Variants in RNF17 observed in about 807,000 individuals in gnomAD.
The protein encoded by RNF17 is spermatogenesis associated 23.
In RNF17, 31 loss-of-function variants were observed where a neutral mutation model predicts 200.5. The observed-to-expected ratio is 0.15, with a 90% CI of 0.12 to 0.21. RNF17 has a LOEUF of 0.21. Among genes scored for constraint, RNF17 ranks in the 10% least tolerant of loss-of-function variants. The pLI, the probability that RNF17 is intolerant of heterozygous loss-of-function variation, is 1.00. For synonymous variants in RNF17, 606 were observed against 637.8 expected, an observed-to-expected ratio of 0.95 and a Z score of 0.75; for missense variants, 1,628 against 1,905.1, an observed-to-expected ratio of 0.85 and a Z score of 2.71.
At chr13:24,781,224 A>C (rs1435680593) in intron 5 of RNF17, among the ~76,000 whole-genome samples, 1 of 152,082 alleles carries the variant, frequency 6.6e-6, no homozygotes, top group African/African-American at 2.4e-5. Flanking sequence ...GGGTCCTATC[A>C]AAGAGAAATT....
At chr13:24,814,732 C>A (rs375469245) in intron 15 of RNF17, among the ~76,000 whole-genome samples, 1 of 152,206 alleles carries the variant, frequency 6.6e-6, no homozygotes, top group African/African-American at 2.4e-5. Flanking sequence ...TATGTCAGTA[C>A]CACACTGTTT....
At chr13:24,866,069 G>A (rs550257101) in intron 29 of RNF17, 75 bp from the exon 30 acceptor site, 2 of 792,126 alleles carry the variant, frequency 2.5e-6, no homozygotes, top group Non-Finnish European at 2.1e-6. Flanking sequence ...CCCAGTTTTT[G>A]TGGGGATGAA....
intron 2 of RNF17, among the ~76,000 whole-genome samples, chr13:24,769,891 T>C (rs528044703): frequency 1.3e-5 from 2 of 152,302 alleles, no homozygotes; most frequent in African/African-American, 4.8e-5. Context: ...AGTTGAATGG[T>C]TTTTGATAAC....
Position 24,789,692 on chromosome 13 carries a change from TTA to T in RNF17, c.861-3_861-2del. Reference sequence around the variant, plus strand: ...CATTTATGTATATGTTAATGTTTTATTATAGGTTGAGTGTGAATTGCAGTGAG... The same window carrying T: ...CATTTATGTATATGTTAATGTTTTATTAGGTTGAGTGTGAATTGCAGTGAG... On this transcript the variant is annotated splice_polypyrimidine_tract_variant and splice_region_variant and intron_variant, in intron 8 of 35. Transcript: ENST00000255324. 2 of 1,562,068 alleles carry T rather than the reference TTA, an allele frequency of 1.3e-6. No individual in the cohort carries two copies. Among genetic ancestry groups the T allele is most frequent in the Middle Eastern group, 3.4e-4 (2 of 5,908 alleles).
chr13:24,855,276 G>C (rs991886407), intron 25 of RNF17, among the ~76,000 whole-genome samples: 1 of 151,802 alleles, frequency 6.6e-6, no homozygotes, highest in South Asian at 2.1e-4. Context: ...GAACATTCTT[G>C]TACCTGTCTC....
chr13:24,826,694 T>C (rs781160035), intron 16 of RNF17, among the ~76,000 whole-genome samples: 20 of 149,446 alleles, frequency 1.3e-4, no homozygotes, highest in Non-Finnish European at 2.7e-4. Context: ...AATCACTTGG[T>C]CCTGGGAGGT....
chr13:24,778,370 AGAC>A lies in RNF17; in HGVS notation c.394_396del (p.Asp132del). ...CTGGTTTAGAACGTTCAGCCTCCAC[AGAC>A]AAGACTCTTTTGAACTCATCAGCTG... On this transcript the variant is annotated inframe_deletion, in exon 4 of 36. Transcript: ENST00000255324. 1 of 1,613,784 alleles carries A rather than the reference AGAC, an allele frequency of 6.2e-7. No individual in the cohort carries two copies. Among genetic ancestry groups the A allele is most frequent in the Non-Finnish European group, 8.5e-7 (1 of 1,179,664 alleles).
the RNF17 span, chr13:24,885,205 C>A: frequency 1.3e-3 from 1,305 of 1,033,564 alleles, 14 homozygotes; most frequent in Non-Finnish European, 1.2e-4. Flanking sequence ...ATTTTAGATT[C>A]TATGTGTTTC....
intron 15 of RNF17, among the ~76,000 whole-genome samples, chr13:24,817,878 A>G (rs1204918303): frequency 2.0e-5 from 3 of 151,720 alleles, no homozygotes; most frequent in Admixed American, 6.6e-5. Flanking sequence ...GGCTTTATTG[A>G]TGTTCTGTTT....
At chr13:24,801,554 C>T (rs935129604) in intron 13 of RNF17, among the ~76,000 whole-genome samples, 6 of 151,962 alleles carry the variant, frequency 3.9e-5, no homozygotes, top group African/African-American at 4.8e-5. Context: ...GCTTGGGAGG[C>T]GGAGATTGCA....
intron 15 of RNF17, among the ~76,000 whole-genome samples, chr13:24,820,596 C>A (rs1384830952): frequency 6.6e-6 from 1 of 150,986 alleles, no homozygotes; most frequent in Non-Finnish European, 1.5e-5. Flanking sequence ...CCACCACGCC[C>A]GGCTAATTTT....
intron 15 of RNF17, among the ~76,000 whole-genome samples, chr13:24,819,822 T>G (rs933986322): frequency 1.3e-5 from 2 of 152,196 alleles, no homozygotes; most frequent in African/African-American, 4.8e-5. Flanking sequence ...TGTATTTACC[T>G]TCACCAGAGA....
At position 24,766,380 on chromosome 13, in the gene RNF17, A is replaced by G. The variant is rs187271625; in HGVS notation, c.131-892A>G. The stretch of plus-strand genomic sequence containing the variant: ...CTTTTGAAATTATATAGCTAAAACA[A>G]ATGTTATTTATTATAAACTTCAAAT... On this transcript the variant is annotated intron_variant, in intron 1 of 35. Transcript: ENST00000255324. Among the ~76,000 whole-genome samples the G allele has an allele frequency of 1.4e-3, 207 of 152,362 alleles. 1 individual carries two copies. Among genetic ancestry groups the G allele is most frequent in the African/African-American group, 4.6e-3 (192 of 41,576 alleles).
In RNF17 at chr13:24,877,294, A is replaced by G. The variant is rs1593509841; in HGVS notation, c.4773+108A>G. The G allele has an allele frequency of 7.7e-6, 6 of 781,868 alleles. No homozygotes were observed. In the East Asian group the frequency reaches 1.6e-4, roughly 21 times the overall value. The allele number at this position is 781,868 out of a possible 1,614,324, so 48.4% of individuals were successfully genotyped here. ...TACATGCGAGAGTATACTAAAGCAT[A>G]TACAGCTATATAGGATATAGTTTAT... On this transcript the variant is annotated intron_variant, in intron 34 of 35. Transcript: ENST00000255324.
At chr13:24,771,236 C>T (rs1353723342) in intron 2 of RNF17, among the ~76,000 whole-genome samples, 1 of 151,666 alleles carries the variant, frequency 6.6e-6, no homozygotes, top group Non-Finnish European at 1.5e-5. Flanking sequence ...ACTGCAACCT[C>T]AGCCTCTCCA....
chr13:24,788,892 G>A (rs745641846), intron 7 of RNF17, among the ~76,000 whole-genome samples: 23 of 152,194 alleles, frequency 1.5e-4, no homozygotes, highest in Middle Eastern at 3.4e-3. Context: ...AGTCTCTAAC[G>A]TTAAATGAAA....
At chr13:24,832,483 A>T (rs936227429) in intron 18 of RNF17, among the ~76,000 whole-genome samples, 1 of 152,194 alleles carries the variant, frequency 6.6e-6, no homozygotes, top group African/African-American at 2.4e-5. Context: ...TTGTAACATA[A>T]CAAGTTCTGA....
intron 2 of RNF17, among the ~76,000 whole-genome samples, chr13:24,774,000 C>G (rs557367818): frequency 1.3e-5 from 2 of 152,166 alleles, no homozygotes; most frequent in Admixed American, 6.5e-5. Flanking sequence ...CATAAGAAAA[C>G]TGTTCTCAGA....
intron 2 of RNF17, among the ~76,000 whole-genome samples, chr13:24,768,936 CA>C (rs1259602293): frequency 6.7e-6 from 1 of 149,726 alleles, no homozygotes; most frequent in African/African-American, 2.5e-5. Context: ...TAAATTATAA[CA>C]AAAAATTACA....
Sources: allele counts gnomAD v4.1 joint callset (sites outside exome capture counted in the v4.1 genomes callset), GRCh38; gene constraint gnomAD v4.1.1; transcripts MANE v1.5; gene names NCBI Gene and HGNC (gene_info 2026-07-23, HGNC 2026-07-21).